APBB1IP: variants seen among roughly 807,000 people sequenced by gnomAD.
The protein encoded by APBB1IP is amyloid beta A4 precursor protein-binding family B member 1-interacting protein.
In APBB1IP, 27 loss-of-function variants were observed where a neutral mutation model predicts 64.9. That is an observed-to-expected ratio of 0.42 (90% CI 0.31 to 0.57). The LOEUF is 0.57. Ranked by LOEUF, APBB1IP falls within the 20% of genes least tolerant of loss-of-function variation. The pLI is 0.20. For missense variants in APBB1IP, 812 were observed against 845.5 expected (o/e 0.96, Z 0.49); for synonymous variants, 392 against 331.0 (o/e 1.18, Z -2.00).
Position 26,513,518 on chromosome 10 carries a change from T to C in APBB1IP, c.692-21T>C, listed in dbSNP as rs77300620. The C allele has an allele frequency of 2.7e-4, 440 of 1,611,508 alleles. 3 individuals carry two copies. The East Asian group carries it at 9.1e-3, about 33-fold the overall frequency. On this transcript the variant is annotated intron_variant, in intron 7 of 14. Coordinates refer to ENST00000376236, the MANE Select transcript of APBB1IP (RefSeq NM_019043.4). ...CCCTGATGTCTTGGGTCTGAAAGAATACCTTTTCTTATTTCATCAGAGAGG... is the reference window on the plus strand; with the variant it reads ...CCCTGATGTCTTGGGTCTGAAAGAACACCTTTTCTTATTTCATCAGAGAGG...
chr10:26,500,480 A>G (rs141439894), intron 4 of APBB1IP, among the ~76,000 whole-genome samples: 4 of 152,308 alleles, frequency 2.6e-5, no homozygotes, highest in African/African-American at 9.6e-5. Context: ...CTAAGATGTT[A>G]CATTATAGGA....
At chr10:26,477,268 G>A (rs551358297) in intron 2 of APBB1IP, among the ~76,000 whole-genome samples, 20 of 152,308 alleles carry the variant, frequency 1.3e-4, no homozygotes, top group African/African-American at 3.8e-4. Flanking sequence ...TCCCATTATT[G>A]ATAATTCTAA....
chr10:26,533,909 G>A (rs1449694413), intron 9 of APBB1IP, among the ~76,000 whole-genome samples: 2 of 151,984 alleles, frequency 1.3e-5, no homozygotes, highest in Non-Finnish European at 2.9e-5. Context: ...GAGATTTGGA[G>A]TCAGGGACCC....
intron 2 of APBB1IP, among the ~76,000 whole-genome samples, chr10:26,444,976 T>C (rs1835375694): frequency 2.0e-5 from 3 of 151,898 alleles, no homozygotes; most frequent in African/African-American, 7.3e-5. Context: ...TGCACGCCTG[T>C]AGTCCCAGCT....
intron 14 of APBB1IP, among the ~76,000 whole-genome samples, 185 bp from the exon 15 acceptor site, chr10:26,566,776 T>C (rs1470457255): frequency 6.6e-6 from 1 of 151,972 alleles, no homozygotes; most frequent in African/African-American, 2.4e-5. Context: ...TAAGGAATGC[T>C]ACTCGGGAGG....
At chr10:26,503,732 C>T (rs937616129) in intron 6 of APBB1IP, among the ~76,000 whole-genome samples, 3 of 152,162 alleles carry the variant, frequency 2.0e-5, no homozygotes, top group Non-Finnish European at 4.4e-5. Context: ...GATAAGAGTA[C>T]ACAATTGTTC....
At chr10:26,464,523 G>C (rs1200831620) in intron 2 of APBB1IP, among the ~76,000 whole-genome samples, 1 of 152,010 alleles carries the variant, frequency 6.6e-6, no homozygotes, top group Non-Finnish European at 1.5e-5. Context: ...ACCTCAACCT[G>C]CTAAGTAGCT....
At chr10:26,473,354 A>C (rs1254379297) in intron 2 of APBB1IP, among the ~76,000 whole-genome samples, 1 of 152,200 alleles carries the variant, frequency 6.6e-6, no homozygotes, top group Non-Finnish European at 1.5e-5. Flanking sequence ...TGACTTTGAA[A>C]ATTAAAATCT....
rs927648029 is a variant in APBB1IP, at chr10:26,501,373, T to C, written c.453+262T>C. 5 of 543,594 alleles carry C rather than the reference T, an allele frequency of 9.2e-6. No homozygotes were observed. The Admixed American group carries it at 9.8e-5, about 11-fold the overall frequency. The allele number at this position is 543,594 out of a possible 1,614,324, so 33.7% of individuals were successfully genotyped here. ...ATATTTGTATGCAAAAACTATTTGA[T>C]AAAACTCAATCTTTTGGGGGAAATG... On this transcript the variant is annotated intron_variant, in intron 5 of 14. Coordinates refer to ENST00000376236, the MANE Select transcript of APBB1IP (RefSeq NM_019043.4).
Position 26,458,956 on chromosome 10 carries a change from T to C in APBB1IP, c.-1+20103T>C, listed in dbSNP as rs1835557914. Among the ~76,000 whole-genome samples the C allele has an allele frequency of 2.0e-5, 3 of 152,052 alleles. No individual in the cohort carries two copies. The South Asian group carries it at 6.2e-4, about 31-fold the overall frequency. ...CTTTTCTTTTCTTTTATTATTATTA[T>C]ACTTTGAGTTTTAGGGTACATGTGC... On this transcript the variant is annotated intron_variant, in intron 2 of 14. Transcript: ENST00000376236.
intron 11 of APBB1IP, among the ~76,000 whole-genome samples, chr10:26,548,645 G>A (rs1206867949): frequency 1.3e-5 from 2 of 151,916 alleles, no homozygotes; most frequent in Non-Finnish European, 2.9e-5. Context: ...TCAGATAGTT[G>A]GCTACTGTTG....
chr10:26,448,693 C>G (rs1414480320), intron 2 of APBB1IP, among the ~76,000 whole-genome samples: 1 of 152,126 alleles, frequency 6.6e-6, no homozygotes, highest in Non-Finnish European at 1.5e-5. Flanking sequence ...ATTATTTGCC[C>G]TCTAGTAACA....
intron 14 of APBB1IP, among the ~76,000 whole-genome samples, chr10:26,565,320 AG>A (rs1837028031): frequency 6.6e-6 from 1 of 152,232 alleles, no homozygotes; most frequent in African/African-American, 2.4e-5. Flanking sequence ...ACTCAGACCA[AG>A]AAAAAATGTA....
chr10:26,451,425 G>T (rs1053538999), intron 2 of APBB1IP, among the ~76,000 whole-genome samples: 3 of 152,172 alleles, frequency 2.0e-5, no homozygotes, highest in African/African-American at 7.2e-5. Flanking sequence ...ATTAATAGTG[G>T]ATTGAAGCAT....
chr10:26,516,293 G>A (rs966554648), intron 8 of APBB1IP, among the ~76,000 whole-genome samples: 3 of 151,898 alleles, frequency 2.0e-5, no homozygotes, highest in Non-Finnish European at 2.9e-5. Context: ...GGTGGCTCCC[G>A]CCTGTAATCC....
chr10:26,511,825 C>T lies in APBB1IP; in HGVS notation c.610C>T (p.Leu204=), dbSNP rs761418632. 1 of 1,614,176 alleles carries T rather than the reference C, an allele frequency of 6.2e-7. No individual in the cohort carries two copies. The highest frequency in any genetic ancestry group is 8.5e-7 in the Non-Finnish European group (1 of 1,180,032). ...TGAGCGGCAGCTGGCCCGAGATGTT[C>T]TGGACAACCTTTTCGAGAAAACTCA... The part of the protein sequence containing the change: ...VDERQLARDV[L]DNLFEKTHCD... Residue 204 remains leucine, a synonymous_variant, in exon 7 of 15, where the codon CTG becomes TTG. Transcript: ENST00000376236.
At chr10:26,463,812 G>T (rs977852885) in intron 2 of APBB1IP, among the ~76,000 whole-genome samples, 6 of 152,104 alleles carry the variant, frequency 3.9e-5, no homozygotes, top group African/African-American at 1.2e-4. Flanking sequence ...GTGCCATGGT[G>T]GTTTGCTGCA....
intron 6 of APBB1IP, among the ~76,000 whole-genome samples, chr10:26,511,393 G>T (rs1356628889): frequency 1.3e-5 from 2 of 152,088 alleles, no homozygotes; most frequent in Admixed American, 6.6e-5. Context: ...ATCTAGAAAA[G>T]TTTCTGGGCT....
chr10:26,459,457 A>C (rs573510306), intron 2 of APBB1IP, among the ~76,000 whole-genome samples: 1 of 152,272 alleles, frequency 6.6e-6, no homozygotes, highest in South Asian at 2.1e-4. Context: ...ATACCCAGTA[A>C]TGGGATGGCT....
Sources: gnomAD v4.1 joint callset for allele counts (sites outside exome capture counted in the v4.1 genomes callset) on GRCh38, gnomAD v4.1.1 for gene constraint, MANE v1.5 for transcripts, NCBI Gene and HGNC (gene_info 2026-07-23, HGNC 2026-07-21) for gene names.